RSPH3: variants seen among roughly 807,000 people sequenced by gnomAD.
The protein encoded by RSPH3 is radial spoke head 3.
RSPH3 carries 21 observed loss-of-function variants against 43.8 expected under a neutral mutation model. The observed-to-expected ratio is 0.48, with a 90% CI of 0.34 to 0.69. The LOEUF (loss-of-function observed/expected upper bound fraction) is 0.69, where lower values mean the gene tolerates loss of function less well. Among genes scored for constraint, RSPH3 ranks in the 30% least tolerant of loss-of-function variants. The pLI, the probability that RSPH3 is intolerant of heterozygous loss-of-function variation, is 0.01. For missense variants in RSPH3, 487 were observed against 516.0 expected (o/e 0.94, Z 0.54); for synonymous variants, 173 against 179.8 (o/e 0.96, Z 0.30).
rs140821356 is a variant in RSPH3 at position 158,977,588 on chromosome 6, C to T, written c.1207G>A (p.Asp403Asn). The change falls in exon 8 of 8, where the codon GAT becomes AAT. Residue 403 changes from aspartate (D) to asparagine (N), a missense_variant. By Grantham distance (23) the Asp-to-Asn change is conservative. Coordinates refer to ENST00000367069, the MANE Select transcript of RSPH3 (RefSeq NM_031924.8). ...FMEERELLGQ[D>N]EETAMRKSLG... is the part of the protein sequence containing the mutation. Reference sequence around the variant, plus strand: ...GACTTCCTCATTGCTGTTTCTTCATCTTGCCCTAAGAGTTCTCTCTCTTCC... The same window carrying T: ...GACTTCCTCATTGCTGTTTCTTCATTTTGCCCTAAGAGTTCTCTCTCTTCC... 5.5e-5 allele frequency: 88 copies of T among 1,613,904 alleles called. 1 individual carries two copies. In the East Asian group the frequency reaches 1.8e-3, roughly 33 times the overall value.
rs747342336 is a variant in RSPH3 at position 158,980,908 on chromosome 6, A to T, written c.725T>A (p.Ile242Lys). The T allele has an allele frequency of 6.8e-6, 11 of 1,614,088 alleles. No individual in the cohort carries two copies. Among genetic ancestry groups the T allele is most frequent in the Non-Finnish European group, 9.3e-6 (11 of 1,179,998 alleles). The change falls in exon 6 of 8, where the codon ATA becomes AAA. Residue 242 changes from isoleucine to lysine, a missense_variant. Transcript: ENST00000367069. ...KERRKKQQWE[I>K]MHKHNETSQK... ...TGATGTCTCGTTGTGCTTGTGCATTATTTCCCACTGCTGTTTCTTACGCCG... is the reference window on the plus strand; with the variant it reads ...TGATGTCTCGTTGTGCTTGTGCATTTTTTCCCACTGCTGTTTCTTACGCCG...
rs2128607989 is a variant in RSPH3 at position 158,986,411 on chromosome 6, G to T, written c.215C>A (p.Pro72His). The change falls in exon 3 of 8, where the codon CCT (proline) becomes CAT (histidine). Residue 72 changes from proline (P) to histidine (H), a missense_variant. Pro to His is a moderately conservative substitution (Grantham distance 77). Transcript: ENST00000367069. Reference sequence around the variant, plus strand: ...TTGTCTCTGGAGCTCTAGAGAATCAGGCCGTCCGAGCTAACAGTGATAGAA... The same window carrying T: ...TTGTCTCTGGAGCTCTAGAGAATCATGCCGTCCGAGCTAACAGTGATAGAA... Reference protein sequence around the residue: ...ALQTGPLLGRPDSLELQRQRE... With the variant: ...ALQTGPLLGRHDSLELQRQRE... The T allele has an allele frequency of 6.2e-7, 1 of 1,613,034 alleles. No homozygotes were observed. Among genetic ancestry groups the T allele is most frequent in the East Asian group, 2.2e-5 (1 of 44,882 alleles).
At chr6:158,998,671 C>A (rs975507295) in intron 1 of RSPH3, among the ~76,000 whole-genome samples, 1 of 146,674 alleles carries the variant, frequency 6.8e-6, no homozygotes, top group African/African-American at 2.5e-5. Flanking sequence ...GCCTGGCCAA[C>A]GTGGCAAAAC....
downstream of RSPH3, among the ~76,000 whole-genome samples, chr6:158,970,155 C>T (rs771140045): frequency 2.0e-5 from 3 of 151,968 alleles, no homozygotes; most frequent in African/African-American, 4.8e-5. Flanking sequence ...ATTCTTGTAC[C>T]ACCCGTCCAA....
At chr6:158,972,249 A>G (rs1777701674), downstream of RSPH3, among the ~76,000 whole-genome samples, 1 of 152,178 alleles carries the variant, frequency 6.6e-6, no homozygotes, top group Non-Finnish European at 1.5e-5. Context: ...ACCAAGTAAG[A>G]CAGAATTGCT....
intron 1 of RSPH3, among the ~76,000 whole-genome samples, chr6:158,996,554 T>G (rs923102424): frequency 1.6e-4 from 25 of 152,212 alleles, no homozygotes; most frequent in African/African-American, 5.8e-4. Flanking sequence ...TAAGTTTCAT[T>G]TTTTGGTTTC....
At chr6:158,985,412 C>T (rs1052095471) in intron 3 of RSPH3, among the ~76,000 whole-genome samples, 25 of 152,172 alleles carry the variant, frequency 1.6e-4, no homozygotes, top group African/African-American at 5.8e-4. Context: ...AGTTTGAGAA[C>T]AGAATATGTG....
In RSPH3 at chr6:158,993,938, A is replaced by G. The variant is rs756556128; in HGVS notation, c.117-12T>C. On this transcript the variant is annotated splice_polypyrimidine_tract_variant and intron_variant, in intron 1 of 7. Coordinates refer to ENST00000367069, the MANE Select transcript of RSPH3 (RefSeq NM_031924.8). ...TAGGTTCTTCATCTCTGTAAAACAGAAAATTCTGTATAACCACTTTAATAG... is the reference window on the plus strand; with the variant it reads ...TAGGTTCTTCATCTCTGTAAAACAGGAAATTCTGTATAACCACTTTAATAG... 1 of 1,483,356 alleles carries G rather than the reference A, an allele frequency of 6.7e-7. No homozygotes were observed. Among genetic ancestry groups the G allele is most frequent in the East Asian group, 2.3e-5 (1 of 44,186 alleles). The allele number at this position is 1,483,356 out of a possible 1,614,324, so 91.9% of individuals were successfully genotyped here. A position where few individuals can be genotyped will look rare whatever the true frequency, so the allele number is the denominator to read the frequency against.
chr6:158,997,878 T>A (rs1778649514), intron 1 of RSPH3, among the ~76,000 whole-genome samples: 1 of 146,894 alleles, frequency 6.8e-6, no homozygotes, highest in Non-Finnish European at 1.5e-5. Flanking sequence ...GTGATAGACA[T>A]CTCTTATAGA....
Position 158,983,724 on chromosome 6 carries a change from T to G in RSPH3, c.430A>C (p.Thr144Pro). Reference sequence around the variant, plus strand: ...GTTTTGGCAGGAATAAAGAGTGGTGTTGGTGGTCTGTCCAAAAATGCATCT... The same window carrying G: ...GTTTTGGCAGGAATAAAGAGTGGTGGTGGTGGTCTGTCCAAAAATGCATCT... ...QTDAFLDRPP[T>P]PLFIPAKTGK... Residue 144 changes from threonine (T) to proline (P), a missense_variant, in exon 4 of 8, where the codon ACA (threonine) becomes CCA (proline). By Grantham distance (38) the Thr-to-Pro change is conservative. Transcript: ENST00000367069. 3 of 1,613,004 alleles carry G rather than the reference T, an allele frequency of 1.9e-6. No homozygotes were observed. Among genetic ancestry groups the G allele is most frequent in the East Asian group, 2.2e-5 (1 of 44,874 alleles).
intron 4 of RSPH3, 93 bp downstream of exon 4, chr6:158,983,569 T>G: frequency 1.1e-6 from 1 of 898,098 alleles, no homozygotes. Flanking sequence ...AATCTGATTG[T>G]GAAGTGGTTC....
At chr6:158,964,338 G>A in the RSPH3 span, among the ~76,000 whole-genome samples, 1 of 152,158 alleles carries the variant, frequency 6.6e-6, no homozygotes, top group African/African-American at 2.4e-5. Flanking sequence ...GGATCAATGG[G>A]ATTAGATGGA....
the RSPH3 span, among the ~76,000 whole-genome samples, chr6:158,965,173 C>A: frequency 3.1e-4 from 47 of 152,160 alleles, no homozygotes; most frequent in Non-Finnish European, 5.9e-4. Context: ...ATCCTTATCC[C>A]TTACCACACA....
At position 158,974,893 on chromosome 6, in the gene RSPH3, T is replaced by A. The variant is rs1021266951; in HGVS notation, c.*2645A>T. The A allele has an allele frequency of 6.6e-6, 1 of 151,752 alleles. No homozygotes were observed. Among genetic ancestry groups the A allele is most frequent in the African/African-American group, 2.4e-5 (1 of 41,342 alleles). 9.4% of individuals were successfully genotyped at this position (151,752 alleles called of 1,614,324 possible). On this transcript the variant is annotated 3_prime_UTR_variant, in exon 8 of 8. Coordinates refer to ENST00000367069, the MANE Select transcript of RSPH3 (RefSeq NM_031924.8). ...TCTCACTCTGTCTTCCAGGCTGGAG[T>A]GCAGTGGCGCGATCTCGGCTCACTG...
chr6:158,985,437 A>G (rs1174548950), intron 3 of RSPH3, among the ~76,000 whole-genome samples: 1 of 152,176 alleles, frequency 6.6e-6, no homozygotes, highest in Non-Finnish European at 1.5e-5. Flanking sequence ...CTGCTAAGAG[A>G]GAATTTGGTC....
At chr6:158,978,522 A>G (rs1006703331) in intron 6 of RSPH3, among the ~76,000 whole-genome samples, 176 bp from the exon 7 acceptor site, 2 of 151,962 alleles carry the variant, frequency 1.3e-5, no homozygotes, top group Admixed American at 6.6e-5. Context: ...TTTCTGTTGC[A>G]TAAGTGATTT....
At chr6:158,996,327 T>G (rs1778595410) in intron 1 of RSPH3, among the ~76,000 whole-genome samples, 1 of 152,174 alleles carries the variant, frequency 6.6e-6, no homozygotes, top group East Asian at 1.9e-4. Context: ...AAGAAATACA[T>G]AAAAGATGTA....
rs2114733139 is a variant in RSPH3 at position 158,999,650 on chromosome 6, G to A, written c.-100C>T. 6.2e-7 allele frequency: 1 copy of A among 1,614,124 alleles called. No homozygotes were observed. Among genetic ancestry groups the A allele is most frequent in the South Asian group, 1.1e-5 (1 of 91,058 alleles). The stretch of plus-strand genomic sequence containing the variant: ...CGGAGAGATGTAAGTAGTGCCAAGG[G>A]CAAGGATTCCGCGACGCGAGGAGAG... On this transcript the variant is annotated 5_prime_UTR_variant, in exon 1 of 8. Coordinates refer to ENST00000367069, the MANE Select transcript of RSPH3 (RefSeq NM_031924.8).
At chr6:158,986,176 G>C in intron 3 of RSPH3, 104 bp downstream of exon 3, 6 of 1,068,048 alleles carry the variant, frequency 5.6e-6, no homozygotes, top group Non-Finnish European at 8.2e-6. Flanking sequence ...AAGTATCAGA[G>C]AGCACAGGAG....
Sources: allele counts gnomAD v4.1 joint callset (sites outside exome capture counted in the v4.1 genomes callset), GRCh38; gene constraint gnomAD v4.1.1; transcripts MANE v1.5; gene names NCBI Gene and HGNC (gene_info 2026-07-23, HGNC 2026-07-21).